The following UBE2Q2 variants were observed in gnomAD, a reference collection of about 807,000 sequenced individuals.
The protein encoded by UBE2Q2 is ubiquitin conjugating enzyme E2 Q2.
UBE2Q2 carries 54 observed loss-of-function variants against 59.9 expected under a neutral mutation model. That is an observed-to-expected ratio of 0.90 (90% CI 0.72 to 1.13). UBE2Q2 has a LOEUF of 1.13. Ranked by LOEUF, UBE2Q2 falls within the 50% of genes most tolerant of loss-of-function variation. The pLI, the probability that UBE2Q2 is intolerant of heterozygous loss-of-function variation, is 0.00. For synonymous variants in UBE2Q2, 165 were observed against 155.2 expected, an observed-to-expected ratio of 1.06 and a Z score of -0.47; for missense variants, 433 against 441.9, an observed-to-expected ratio of 0.98 and a Z score of 0.18.
intron 3 of UBE2Q2, among the ~76,000 whole-genome samples, chr15:75,864,535 A>G (rs1897357751): frequency 6.6e-6 from 1 of 151,190 alleles, no homozygotes; most frequent in East Asian, 1.9e-4. Context: ...TGAGTCTTTG[A>G]CTGTCTTTTT....
chr15:75,848,347 A>G (rs1381117912), intron 1 of UBE2Q2, among the ~76,000 whole-genome samples: 1 of 152,228 alleles, frequency 6.6e-6, no homozygotes, highest in Non-Finnish European at 1.5e-5. Context: ...GTACAAAGGA[A>G]ATAAACCTGG....
At chr15:75,890,350 A>T in intron 9 of UBE2Q2, 85 bp from the exon 10 acceptor site, 1 of 986,748 alleles carries the variant, frequency 1.0e-6, no homozygotes, top group African/African-American at 1.6e-5. Flanking sequence ...ACTTGTGTGC[A>T]TATTTTCTTG....
At position 75,889,670 on chromosome 15, in the gene UBE2Q2, G is replaced by A. The variant is rs79361279; in HGVS notation, c.885-765G>A. 1.4e-4 allele frequency among the ~76,000 whole-genome samples: 22 copies of A among 152,258 alleles called. No individual in the cohort carries two copies. The East Asian group carries it at 4.2e-3, about 29-fold the overall frequency. ...CACACAGACCTAATCAGTGGTCTTA[G>A]CTTTTGTGTTTTCAAAATTACCACA... is the stretch of plus-strand genomic sequence containing the variant. On this transcript the variant is annotated intron_variant, in intron 9 of 12. Transcript: ENST00000267938.
intron 1 of UBE2Q2, among the ~76,000 whole-genome samples, chr15:75,850,046 G>A (rs1341567832): frequency 6.6e-6 from 1 of 152,102 alleles, no homozygotes; most frequent in Non-Finnish European, 1.5e-5. Flanking sequence ...TAATACATAG[G>A]TTTAAATATT....
At chr15:75,869,408 T>C (rs543008743) in intron 4 of UBE2Q2, among the ~76,000 whole-genome samples, 2 of 152,376 alleles carry the variant, frequency 1.3e-5, no homozygotes, top group South Asian at 4.1e-4. Flanking sequence ...TGAAACTGTC[T>C]CTTGTTGAAA....
At chr15:75,844,698 A>G in intron 1 of UBE2Q2, 1 of 461,892 alleles carries the variant, frequency 2.2e-6, no homozygotes, top group Non-Finnish European at 3.9e-6. Flanking sequence ...TTTCTCCATA[A>G]AAGTGTATCG....
At chr15:75,850,397 G>A (rs1021587286) in intron 1 of UBE2Q2, among the ~76,000 whole-genome samples, 3 of 152,024 alleles carry the variant, frequency 2.0e-5, no homozygotes, top group African/African-American at 4.8e-5. Context: ...TTGTAGATCC[G>A]TGTTATAACT....
intron 3 of UBE2Q2, among the ~76,000 whole-genome samples, chr15:75,863,597 C>G (rs1282277965): frequency 1.3e-5 from 2 of 151,324 alleles, no homozygotes; most frequent in Non-Finnish European, 2.9e-5. Context: ...AGGCACATGT[C>G]ACTACGGCCA....
chr15:75,843,949 C>A, intron 1 of UBE2Q2, 103 bp downstream of exon 1: 2 of 1,416,858 alleles, frequency 1.4e-6, no homozygotes, highest in Non-Finnish European at 1.8e-6. Context: ...GCTCCGGCTC[C>A]CCGGGCGGGG....
In UBE2Q2 at chr15:75,861,062, A is replaced by G. The variant is rs938999312; in HGVS notation, c.387+1080A>G. On this transcript the variant is annotated intron_variant, in intron 3 of 12. Transcript: ENST00000267938. ...GATTCCCTAATTGCTCTATGCATCA[A>G]TTTTCCATTGGCAAAATGGGGGAAC... 1.1e-4 allele frequency among the ~76,000 whole-genome samples: 16 copies of G among 152,148 alleles called. 1 individual carries two copies. Among genetic ancestry groups the G allele is most frequent in the Admixed American group, 9.8e-4 (15 of 15,276 alleles).
chr15:75,880,522 C>G (rs1241628116), intron 8 of UBE2Q2, among the ~76,000 whole-genome samples: 2 of 150,876 alleles, frequency 1.3e-5, no homozygotes, highest in Non-Finnish European at 2.9e-5. Context: ...TGCTCTGTTG[C>G]CCAGGCTGGA....
intron 2 of UBE2Q2, among the ~76,000 whole-genome samples, chr15:75,855,797 T>C (rs1002394341): frequency 2.0e-5 from 3 of 152,200 alleles, no homozygotes; most frequent in African/African-American, 7.2e-5. Flanking sequence ...CATGACAATT[T>C]TGCTGAGTGG....
At chr15:75,844,025 G>A (rs1896173978) in intron 1 of UBE2Q2, 179 bp downstream of exon 1, 4 of 1,409,614 alleles carry the variant, frequency 2.8e-6, no homozygotes, top group Non-Finnish European at 3.7e-6. Context: ...CGAGGCTTGG[G>A]TGGGAGGAGG....
chr15:75,884,765 T>C (rs1420192732), intron 9 of UBE2Q2, among the ~76,000 whole-genome samples: 3 of 152,250 alleles, frequency 2.0e-5, no homozygotes, highest in African/African-American at 4.8e-5. Context: ...GCTCAAGATA[T>C]CTTCCCACCT....
intron 2 of UBE2Q2, among the ~76,000 whole-genome samples, chr15:75,858,763 T>C (rs2141571193): frequency 6.6e-6 from 1 of 152,332 alleles, no homozygotes; most frequent in South Asian, 2.1e-4. Context: ...TCATCTTCAT[T>C]ATGCACTTAG....
At chr15:75,848,212 C>T (rs1896455424) in intron 1 of UBE2Q2, among the ~76,000 whole-genome samples, 1 of 152,132 alleles carries the variant, frequency 6.6e-6, no homozygotes, top group African/African-American at 2.4e-5. Flanking sequence ...TCATTTGTGG[C>T]TGAATAACAC....
intron 5 of UBE2Q2, 104 bp from the exon 6 acceptor site, chr15:75,876,083 A>AAAAAAT: frequency 8.8e-7 from 1 of 1,130,678 alleles, no homozygotes; most frequent in Non-Finnish European, 1.3e-6. Context: ...AAAAAAAAAA[A>AAAAAAT]TGTTGAGTGG....
At position 75,863,430 on chromosome 15, in the gene UBE2Q2, G is replaced by GT. The variant is rs1040995968; in HGVS notation, c.387+3456dup. Among the ~76,000 whole-genome samples the GT allele has an allele frequency of 8.9e-4, 134 of 150,820 alleles. 1 individual carries two copies. The highest frequency in any genetic ancestry group is 2.9e-3 in the African/African-American group (120 of 41,116). On this transcript the variant is annotated intron_variant, in intron 3 of 12. Coordinates refer to ENST00000267938, the MANE Select transcript of UBE2Q2 (RefSeq NM_173469.4). ...GTGTTCAGTATTCACTTTTCCTTCT[G>GT]TTTTTTTTGTTTGTTTGTTTTTCTT... is the stretch of plus-strand genomic sequence containing the variant.
chr15:75,864,712 G>A (rs1897370792), intron 3 of UBE2Q2, among the ~76,000 whole-genome samples: 2 of 150,700 alleles, frequency 1.3e-5, no homozygotes, highest in Non-Finnish European at 2.9e-5. Flanking sequence ...TCTTTATCTT[G>A]ATTACTTATC....
Sources: allele counts gnomAD v4.1 joint callset (sites outside exome capture counted in the v4.1 genomes callset), GRCh38; gene constraint gnomAD v4.1.1; transcripts MANE v1.5; gene names NCBI Gene and HGNC (gene_info 2026-07-23, HGNC 2026-07-21).